The following COL23A1 variants were observed in gnomAD, a reference collection of about 807,000 sequenced individuals.
The protein encoded by COL23A1 is collagen alpha-1(XXIII) chain.
Under a neutral mutation model 99.3 loss-of-function variants are expected in COL23A1, and 97 were observed. That is an observed-to-expected ratio of 0.98 (90% CI 0.83 to 1.16). The LOEUF is 1.16. Ranked by LOEUF, COL23A1 falls within the 50% of genes most tolerant of loss-of-function variation. COL23A1 has a pLI of 0.00. For missense variants in COL23A1, 762 were observed against 757.4 expected, an observed-to-expected ratio of 1.01 and a Z score of -0.07; for synonymous variants, 320 against 308.2, an observed-to-expected ratio of 1.04 and a Z score of -0.40.
chr5:178,487,288 T>TTTTTTTTTTTA (rs773272887), intron 2 of COL23A1, among the ~76,000 whole-genome samples: 3 of 116,460 alleles, frequency 2.6e-5, no homozygotes, highest in Non-Finnish European at 5.6e-5. Context: ...CCAGCCTCAG[T>TTTTTTTTTTTA]TTTATTTATT....
intron 2 of COL23A1, among the ~76,000 whole-genome samples, chr5:178,337,599 G>A (rs903626444): frequency 6.6e-6 from 1 of 152,124 alleles, no homozygotes; most frequent in African/African-American, 2.4e-5. Flanking sequence ...TCTGGGGGTA[G>A]GTGGGCTCTG....
rs1765522348 is a variant in COL23A1 at position 178,259,703 on chromosome 5, T to C, written c.729+18A>G. On this transcript the variant is annotated intron_variant, in intron 12 of 28. Transcript: ENST00000390654. ...TTCCCAACACTGACCCGGAAGCTCC[T>C]CCATTGGCCCCTCTCACCTTCTTTC... is the stretch of plus-strand genomic sequence containing the variant. The C allele has an allele frequency of 6.4e-7, 1 of 1,559,478 alleles. No individual in the cohort carries two copies. The highest frequency in any genetic ancestry group is 1.4e-5 in the African/African-American group (1 of 72,682).
At chr5:178,446,092 C>CATAT (rs145228917) in intron 2 of COL23A1, among the ~76,000 whole-genome samples, 1 of 149,416 alleles carries the variant, frequency 6.7e-6, no homozygotes, top group African/African-American at 2.5e-5. Context: ...AAAAAATTTC[C>CATAT]ATATATATAT....
At chr5:178,542,731 G>T (rs1292888915) in intron 2 of COL23A1, among the ~76,000 whole-genome samples, 1 of 152,174 alleles carries the variant, frequency 6.6e-6, no homozygotes, top group Non-Finnish European at 1.5e-5. Context: ...TCTGGGGAGA[G>T]TTCCCTCTCT....
chr5:178,238,470 G>T lies in COL23A1; in HGVS notation c.*228C>A, dbSNP rs1764224327. 1 of 575,706 alleles carries T rather than the reference G, an allele frequency of 1.7e-6. No homozygotes were observed. The highest frequency in any genetic ancestry group is 3.1e-6 in the Non-Finnish European group (1 of 324,456). The allele number at this position is 575,706 out of a possible 1,614,324, so 35.7% of individuals were successfully genotyped here. ...CTACCTTCATCTCCTTCCTGGGAAAGCCCAGGCCCAAGGGTGCCCCTCAGG... is the reference window on the plus strand; with the variant it reads ...CTACCTTCATCTCCTTCCTGGGAAATCCCAGGCCCAAGGGTGCCCCTCAGG... On this transcript the variant is annotated 3_prime_UTR_variant, in exon 29 of 29. Coordinates refer to ENST00000390654, the MANE Select transcript of COL23A1 (RefSeq NM_173465.4).
intron 2 of COL23A1, among the ~76,000 whole-genome samples, chr5:178,549,059 G>T (rs1380666393): frequency 6.6e-6 from 1 of 151,998 alleles, no homozygotes. Flanking sequence ...GCAATGGCAC[G>T]ATCTCGGCTC....
At chr5:178,357,345 T>C (rs190064561) in intron 2 of COL23A1, among the ~76,000 whole-genome samples, 1 of 152,050 alleles carries the variant, frequency 6.6e-6, no homozygotes, top group East Asian at 2.0e-4. Flanking sequence ...GAAGTGCCTC[T>C]GCCCCCTGGG....
intron 2 of COL23A1, among the ~76,000 whole-genome samples, chr5:178,397,453 G>A (rs1764212826): frequency 6.6e-6 from 1 of 152,190 alleles, no homozygotes; most frequent in African/African-American, 2.4e-5. Flanking sequence ...GAGGCTTAAC[G>A]AAGAAGCCAA....
chr5:178,461,667 CT>C (rs1246178398), intron 2 of COL23A1, among the ~76,000 whole-genome samples: 3 of 152,192 alleles, frequency 2.0e-5, no homozygotes, highest in African/African-American at 7.2e-5. Context: ...GGCAATTTGC[CT>C]CAGTCTCCTC....
At chr5:178,311,377 G>A (rs1266567569) in intron 2 of COL23A1, among the ~76,000 whole-genome samples, 2 of 152,156 alleles carry the variant, frequency 1.3e-5, no homozygotes, top group Non-Finnish European at 2.9e-5. Context: ...AGACACACCA[G>A]CCTGGGGTAC....
intron 7 of COL23A1, among the ~76,000 whole-genome samples, chr5:178,268,038 G>A (rs1276310181): frequency 6.6e-6 from 1 of 152,174 alleles, no homozygotes; most frequent in East Asian, 1.9e-4. Flanking sequence ...CACGGCTCCC[G>A]CAGCCCTGGT....
At chr5:178,499,882 AAATT>A (rs1758427078) in intron 2 of COL23A1, among the ~76,000 whole-genome samples, 1 of 152,258 alleles carries the variant, frequency 6.6e-6, no homozygotes, top group South Asian at 2.1e-4. Flanking sequence ...AAAAAAGAAC[AAATT>A]ATTTATAAAT....
chr5:178,241,941 C>T (rs1764423085), intron 27 of COL23A1, 101 bp downstream of exon 27: 3 of 851,474 alleles, frequency 3.5e-6, no homozygotes, highest in Non-Finnish European at 5.6e-6. Context: ...CCAGTGGGGC[C>T]TCTGGGACTT....
chr5:178,504,718 AGT>A (rs1054755630), intron 2 of COL23A1, among the ~76,000 whole-genome samples: 46 of 152,274 alleles, frequency 3.0e-4, no homozygotes, highest in African/African-American at 1.1e-3. Context: ...GCTGGCCAAC[AGT>A]GTGTGTGCCT....
chr5:178,575,748 G>C (rs1763317169), intron 1 of COL23A1, among the ~76,000 whole-genome samples: 1 of 152,198 alleles, frequency 6.6e-6, no homozygotes, highest in Non-Finnish European at 1.5e-5. Flanking sequence ...ACAGTTCCTG[G>C]GAAAGGCAAG....
chr5:178,418,590 G>A (rs926216700), intron 2 of COL23A1, among the ~76,000 whole-genome samples: 3 of 152,260 alleles, frequency 2.0e-5, no homozygotes, highest in African/African-American at 4.8e-5. Flanking sequence ...ACCCACTGGT[G>A]CTTGGGTGCC....
intron 17 of COL23A1, among the ~76,000 whole-genome samples, chr5:178,250,400 G>T (rs1764971763): frequency 6.6e-6 from 1 of 152,234 alleles, no homozygotes; most frequent in Non-Finnish European, 1.5e-5. Context: ...GACCAGATCT[G>T]CCTGACTTCA....
chr5:178,586,047 G>A (rs970335590), intron 1 of COL23A1, among the ~76,000 whole-genome samples: 1 of 152,154 alleles, frequency 6.6e-6, no homozygotes, highest in Admixed American at 6.5e-5. Context: ...CTACTCTTGG[G>A]TGAAGACATA....
At chr5:178,257,005 G>C (rs934812423) in intron 13 of COL23A1, 77 bp from the exon 14 acceptor site, 8 of 1,420,594 alleles carry the variant, frequency 5.6e-6, no homozygotes, top group Non-Finnish European at 7.8e-6. Flanking sequence ...GCGTGCCTCG[G>C]GGTTGCCTGA....
Sources: gnomAD v4.1 joint callset for allele counts (sites outside exome capture counted in the v4.1 genomes callset) on GRCh38, gnomAD v4.1.1 for gene constraint, MANE v1.5 for transcripts, NCBI Gene and HGNC (gene_info 2026-07-23, HGNC 2026-07-21) for gene names.